Variants in CD44 observed in about 807,000 individuals in gnomAD.
CD44 encodes CD44 molecule (IN blood group).
A neutral mutation model predicts 88.8 loss-of-function variants in CD44; 49 were observed. That is an observed-to-expected ratio of 0.55 (90% CI 0.44 to 0.70). CD44 has a LOEUF of 0.70. Among genes scored for constraint, CD44 ranks in the 30% least tolerant of loss-of-function variants. CD44 has a pLI of 0.00. For missense variants in CD44, 883 were observed against 913.8 expected, an observed-to-expected ratio of 0.97 and a Z score of 0.43; for synonymous variants, 325 against 312.3, an observed-to-expected ratio of 1.04 and a Z score of -0.43.
chr11:35,180,512 T>C, intron 3 of CD44, 105 bp downstream of exon 3: 1 of 1,242,108 alleles, frequency 8.1e-7, no homozygotes, highest in Non-Finnish European at 1.2e-6. Context: ...ACATAACAAA[T>C]GCTCACTGAA....
chr11:35,221,267 G>A (rs1949273481), intron 16 of CD44, among the ~76,000 whole-genome samples: 1 of 152,070 alleles, frequency 6.6e-6, no homozygotes, highest in Non-Finnish European at 1.5e-5. Flanking sequence ...ACAATGTAAG[G>A]TGGATAGGTG....
At chr11:35,142,556 G>A (rs1032074260) in intron 1 of CD44, among the ~76,000 whole-genome samples, 3 of 152,090 alleles carry the variant, frequency 2.0e-5, no homozygotes, top group Admixed American at 6.5e-5. Flanking sequence ...TAGAGACTCC[G>A]CCCCCTGCTG....
chr11:35,173,441 T>C (rs543172309), intron 1 of CD44, among the ~76,000 whole-genome samples: 1 of 152,346 alleles, frequency 6.6e-6, no homozygotes, highest in African/African-American at 2.4e-5. Context: ...CTCTATCCTC[T>C]CATTGCCCCA....
Position 35,201,065 on chromosome 11 carries a change from A to G in CD44, c.923-17A>G, listed in dbSNP as rs758405003. The G allele has an allele frequency of 1.7e-5, 26 of 1,567,382 alleles. No individual in the cohort carries two copies. The highest frequency in any genetic ancestry group is 2.7e-5 in the African/African-American group (2 of 74,080). ...GAAATAACATTTTTCTAATTGCTTC[A>G]ATCATCGTTATCACAGTTTCAACCA... On this transcript the variant is annotated splice_polypyrimidine_tract_variant and intron_variant, in intron 7 of 17. Coordinates refer to ENST00000428726, the MANE Select transcript of CD44 (RefSeq NM_000610.4).
chr11:35,176,622 A>G lies in CD44; in HGVS notation c.115A>G (p.Asn39Asp), dbSNP rs1565068541. The change falls in exon 2 of 18, where the codon AAT (asparagine) becomes GAT (aspartate). Residue 39 changes from asparagine to aspartate, a missense_variant. Transcript: ENST00000428726. The stretch of plus-strand genomic sequence containing the variant: ...TGCAGGTGTATTCCACGTGGAGAAA[A>G]ATGGTCGCTACAGCATCTCTCGGAC... ...RFAGVFHVEK[N>D]GRYSISRTEA... is the part of the protein sequence containing the mutation. The G allele has an allele frequency of 6.2e-7, 1 of 1,614,148 alleles. No homozygotes were observed. Among genetic ancestry groups the G allele is most frequent in the Non-Finnish European group, 8.5e-7 (1 of 1,180,002 alleles).
chr11:35,184,225 T>C (rs1945432003), intron 3 of CD44, among the ~76,000 whole-genome samples: 1 of 152,184 alleles, frequency 6.6e-6, no homozygotes, highest in African/African-American at 2.4e-5. Flanking sequence ...TTTGCCAGAT[T>C]TGATGTTCTT....
chr11:35,146,406 C>G (rs180677092), intron 1 of CD44, among the ~76,000 whole-genome samples: 103 of 152,302 alleles, frequency 6.8e-4, no homozygotes, highest in African/African-American at 2.5e-3. Flanking sequence ...TTTTTGAGAG[C>G]TCTTACGCTT....
At position 35,198,191 on chromosome 11, in the gene CD44, C is replaced by T. The variant is rs367954296; in HGVS notation, c.867C>T (p.His289=). ...NEENEDERDR[H]LSFSGSGIDD... ...AAAATGAAGATGAAAGAGACAGACA[C>T]CTCAGTTTTTCTGGATCAGGCATTG... Residue 289 remains histidine, a synonymous_variant, in exon 7 of 18, where the codon CAC becomes CAT. Coordinates refer to ENST00000428726, the MANE Select transcript of CD44 (RefSeq NM_000610.4). The T allele has an allele frequency of 6.8e-6, 11 of 1,613,748 alleles. No homozygotes were observed. The highest frequency in any genetic ancestry group is 1.6e-4 in the Middle Eastern group (1 of 6,080).
intron 1 of CD44, among the ~76,000 whole-genome samples, chr11:35,163,738 G>A (rs1454393622): frequency 6.6e-6 from 1 of 152,096 alleles, no homozygotes; most frequent in Non-Finnish European, 1.5e-5. Context: ...CCAGCTAAAT[G>A]TGCATGGTAT....
chr11:35,230,328 C>T lies in CD44; in HGVS notation c.*995C>T, dbSNP rs1249669725. On this transcript the variant is annotated 3_prime_UTR_variant, in exon 18 of 18. Transcript: ENST00000428726. ...TTATGGTTTAATGGCCACCTGTTCT[C>T]TCCTGTGAAAGGCTTTGCAAAGTCA... The T allele has an allele frequency of 6.6e-6, 1 of 151,976 alleles. No homozygotes were observed. The highest frequency in any genetic ancestry group is 1.5e-5 in the Non-Finnish European group (1 of 68,024). The allele number at this position is 151,976 out of a possible 1,614,324, so 9.4% of individuals were successfully genotyped here. A position where few individuals can be genotyped will look rare whatever the true frequency, so the allele number is the denominator to read the frequency against.
At chr11:35,171,355 G>A (rs76393696) in intron 1 of CD44, among the ~76,000 whole-genome samples, 1 of 152,200 alleles carries the variant, frequency 6.6e-6, no homozygotes, top group Admixed American at 6.5e-5. Flanking sequence ...GCTAAATAGC[G>A]TCAGGGTTAG....
chr11:35,173,541 A>G (rs148236816), intron 1 of CD44, among the ~76,000 whole-genome samples: 269 of 151,410 alleles, frequency 1.8e-3, no homozygotes, highest in Middle Eastern at 0.01. Flanking sequence ...CATTTCACCT[A>G]GTTGTTATTT....
intron 15 of CD44, chr11:35,218,980 T>G (rs747084376): frequency 2.3e-4 from 55 of 242,752 alleles, no homozygotes; most frequent in Non-Finnish European, 3.8e-4. Context: ...GAAGGTAGAT[T>G]GACCCAGCAC....
At chr11:35,173,605 G>A (rs1327349828) in intron 1 of CD44, among the ~76,000 whole-genome samples, 1 of 152,112 alleles carries the variant, frequency 6.6e-6, no homozygotes, top group Admixed American at 6.5e-5. Flanking sequence ...ATAGACATTG[G>A]CTTATGTCTT....
intron 1 of CD44, among the ~76,000 whole-genome samples, chr11:35,169,437 C>T (rs1345162874): frequency 1.3e-5 from 2 of 152,004 alleles, no homozygotes; most frequent in African/African-American, 4.8e-5. Context: ...CACACACACA[C>T]ACACATCCAT....
chr11:35,145,196 G>C (rs572132285), intron 1 of CD44, among the ~76,000 whole-genome samples: 270 of 152,318 alleles, frequency 1.8e-3, no homozygotes, highest in African/African-American at 6.0e-3. Flanking sequence ...TGCAGCACTG[G>C]GGGAGTCCCC....
chr11:35,146,022 G>A lies in CD44; in HGVS notation c.67+6652G>A, dbSNP rs1342157192. Among the ~76,000 whole-genome samples the A allele has an allele frequency of 2.7e-5, 4 of 150,352 alleles. No individual in the cohort carries two copies. The East Asian group carries it at 8.0e-4, about 30-fold the overall frequency. Reference sequence around the variant, plus strand: ...AAAGATTGTCTGCCCAGCTAGACCTGAGAGACAGGGAGACAAACACAGAAT... The same window carrying A: ...AAAGATTGTCTGCCCAGCTAGACCTAAGAGACAGGGAGACAAACACAGAAT... On this transcript the variant is annotated intron_variant, in intron 1 of 17. Coordinates refer to ENST00000428726, the MANE Select transcript of CD44 (RefSeq NM_000610.4).
chr11:35,200,176 G>C (rs1947178508), intron 7 of CD44, among the ~76,000 whole-genome samples: 1 of 151,994 alleles, frequency 6.6e-6, no homozygotes, highest in African/African-American at 2.4e-5. Flanking sequence ...AGAGCTGACA[G>C]TATTATAGTT....
chr11:35,139,811 T>G (rs1206267675), intron 1 of CD44, among the ~76,000 whole-genome samples: 1 of 152,196 alleles, frequency 6.6e-6, no homozygotes, highest in African/African-American at 2.4e-5. Flanking sequence ...GTGGCTGTTA[T>G]CAAGGTGGTC....
Sources: allele counts gnomAD v4.1 joint callset (sites outside exome capture counted in the v4.1 genomes callset), GRCh38; gene constraint gnomAD v4.1.1; transcripts MANE v1.5; gene names NCBI Gene and HGNC (gene_info 2026-07-23, HGNC 2026-07-21).